The following EXOC2 variants were observed in gnomAD, a reference collection of about 807,000 sequenced individuals.
The protein encoded by EXOC2 is exocyst complex component 2.
A neutral mutation model predicts 131.8 loss-of-function variants in EXOC2; 70 were observed. That is an observed-to-expected ratio of 0.53 (90% CI 0.44 to 0.65). The LOEUF is 0.65. Among genes scored for constraint, EXOC2 ranks in the 30% least tolerant of loss-of-function variants. The pLI, the probability that EXOC2 is intolerant of heterozygous loss-of-function variation, is 0.00. For synonymous variants in EXOC2, 411 were observed against 398.4 expected, an observed-to-expected ratio of 1.03 and a Z score of -0.38; for missense variants, 923 against 1,108.6, an observed-to-expected ratio of 0.83 and a Z score of 2.38.
intron 14 of EXOC2, 68 bp downstream of exon 14, chr6:564,796 G>C (rs1056613213): frequency 3.8e-6 from 6 of 1,583,860 alleles, no homozygotes; most frequent in African/African-American, 1.4e-5. Context: ...TGGATGTCTT[G>C]AATACAAAGT....
chr6:501,934 G>A lies in EXOC2; in HGVS notation c.2381-2234C>T, dbSNP rs528626387. 2.0e-5 allele frequency among the ~76,000 whole-genome samples: 3 copies of A among 151,906 alleles called. No individual in the cohort carries two copies. The East Asian group carries it at 5.8e-4, about 30-fold the overall frequency. Reference sequence around the variant, plus strand: ...TGTTGTAAGTGAAAGTGAAATAAACGAACTCGTCTGGAGACCAGAGAGGCT... The same window carrying A: ...TGTTGTAAGTGAAAGTGAAATAAACAAACTCGTCTGGAGACCAGAGAGGCT... On this transcript the variant is annotated intron_variant, in intron 23 of 27. Coordinates refer to ENST00000230449, the MANE Select transcript of EXOC2 (RefSeq NM_018303.6).
chr6:633,125 T>TA lies in EXOC2; in HGVS notation c.119-9dup, dbSNP rs1157213647. The TA allele has an allele frequency of 6.2e-7, 1 of 1,611,162 alleles. No homozygotes were observed. Among genetic ancestry groups the TA allele is most frequent in the East Asian group, 2.2e-5 (1 of 44,870 alleles). On this transcript the variant is annotated splice_polypyrimidine_tract_variant and intron_variant, in intron 2 of 27. Transcript: ENST00000230449. ...GTCCACAAATGGTCAAGCCTGAAAATAAACGCATGTGCATAACAAAATTCA... is the reference window on the plus strand; with the variant it reads ...GTCCACAAATGGTCAAGCCTGAAAATAAAACGCATGTGCATAACAAAATTCA...
intron 26 of EXOC2, among the ~76,000 whole-genome samples, chr6:489,410 G>A (rs1763291181): frequency 6.6e-6 from 1 of 152,214 alleles, no homozygotes; most frequent in South Asian, 2.1e-4. Context: ...AAGAAATGGG[G>A]ATGACCTTCT....
intron 4 of EXOC2, among the ~76,000 whole-genome samples, chr6:621,043 TCA>T (rs1761263649): frequency 6.6e-6 from 1 of 152,182 alleles, no homozygotes; most frequent in African/African-American, 2.4e-5. Flanking sequence ...TCCAGTGGTC[TCA>T]GTCTTACCGC....
intron 23 of EXOC2, among the ~76,000 whole-genome samples, chr6:501,045 G>A (rs1247241455): frequency 7.3e-6 from 1 of 136,464 alleles, no homozygotes; most frequent in Non-Finnish European, 1.5e-5. Flanking sequence ...GAGACATATA[G>A]ATATACATAT....
intron 12 of EXOC2, among the ~76,000 whole-genome samples, chr6:573,254 C>G (rs1281803455): frequency 1.3e-5 from 2 of 152,212 alleles, no homozygotes; most frequent in African/African-American, 2.4e-5. Flanking sequence ...ATTGCTGTAA[C>G]TGGGAAATAA....
chr6:658,629 AATATATATATATATTTTATATAT>A lies in EXOC2; in HGVS notation c.-43-20791_-43-20769del, dbSNP rs1198442690. On this transcript the variant is annotated intron_variant, in intron 1 of 27. Coordinates refer to ENST00000230449, the MANE Select transcript of EXOC2 (RefSeq NM_018303.6). ...TTCAAGATAATTTCAGGATATTTAA[AATATATATATATATTTTATATAT>A]ATATATATATATATTTTTTTTTTTT... Among the ~76,000 whole-genome samples the A allele has an allele frequency of 4.2e-5, 5 of 119,922 alleles. No homozygotes were observed. In the South Asian group the frequency reaches 8.6e-4, roughly 21 times the overall value. 78.7% of individuals were successfully genotyped at this position (119,922 alleles called of 152,430 possible). A position where few individuals can be genotyped will look rare whatever the true frequency, so the allele number is the denominator to read the frequency against.
At chr6:570,294 T>C (rs57424580) in intron 13 of EXOC2, among the ~76,000 whole-genome samples, 12,541 of 151,894 alleles carry the variant, frequency 0.083, 974 homozygotes, top group East Asian at 0.38. Flanking sequence ...CCACCACGCC[T>C]GGCTAATTTT....
At chr6:509,580 C>T (rs914457806) in intron 23 of EXOC2, among the ~76,000 whole-genome samples, 1 of 151,994 alleles carries the variant, frequency 6.6e-6, no homozygotes, top group Non-Finnish European at 1.5e-5. Flanking sequence ...AATTTTAATA[C>T]GAAAATTGAA....
At position 532,520 on chromosome 6, in the gene EXOC2, G is replaced by C. The variant is rs1376160746; in HGVS notation, c.2329C>G (p.Pro777Ala). 6.2e-7 allele frequency: 1 copy of C among 1,608,036 alleles called. No homozygotes were observed. The highest frequency in any genetic ancestry group is 2.2e-5 in the East Asian group (1 of 44,530). ...KADPIVGSLE[P>A]GIYAGYFDWK... ...TCAAAATATCCTGCATAAATTCCAG[G>C]TTCTAAGGAGCCAACGATGGGATCT... The change falls in exon 23 of 28, where the codon CCT becomes GCT. Residue 777 changes from proline (P) to alanine (A), a missense_variant. Transcript: ENST00000230449.
chr6:596,962 G>A (rs916723789), intron 10 of EXOC2, among the ~76,000 whole-genome samples: 11 of 152,212 alleles, frequency 7.2e-5, no homozygotes, highest in South Asian at 2.1e-4. Context: ...TTTATGTGCC[G>A]GGTGAGGTAT....
intron 25 of EXOC2, among the ~76,000 whole-genome samples, chr6:495,547 A>C (rs574375113): frequency 1.1e-4 from 17 of 152,214 alleles, no homozygotes; most frequent in Non-Finnish European, 2.4e-4. Flanking sequence ...TGCTTAAATA[A>C]CTAGGATCGG....
chr6:672,855 ATAAG>A (rs34577658), intron 1 of EXOC2, among the ~76,000 whole-genome samples: 22,544 of 152,140 alleles, frequency 0.15, 1,878 homozygotes, highest in African/African-American at 0.22. Context: ...CAATATTTAC[ATAAG>A]TAAGTTGCAT....
intron 6 of EXOC2, among the ~76,000 whole-genome samples, chr6:617,064 AT>A (rs1485944382): frequency 6.6e-6 from 1 of 152,230 alleles, no homozygotes; most frequent in Admixed American, 6.5e-5. Flanking sequence ...CTTAAGCTAT[AT>A]GGGTATTTAG....
At chr6:533,875 T>C (rs1032452857) in intron 22 of EXOC2, among the ~76,000 whole-genome samples, 1 of 151,810 alleles carries the variant, frequency 6.6e-6, no homozygotes, top group Non-Finnish European at 1.5e-5. Context: ...CGAACTACAG[T>C]GAAAAATAAA....
At chr6:517,964 CA>C (rs773401275) in intron 23 of EXOC2, among the ~76,000 whole-genome samples, 1 of 152,110 alleles carries the variant, frequency 6.6e-6, no homozygotes, top group African/African-American at 2.4e-5. Flanking sequence ...CACTGAGCAC[CA>C]AAAGTGACTC....
At chr6:684,075 G>A (rs1764534134) in intron 1 of EXOC2, among the ~76,000 whole-genome samples, 1 of 152,268 alleles carries the variant, frequency 6.6e-6, no homozygotes, top group South Asian at 2.1e-4. Flanking sequence ...TCGGCTGAGC[G>A]GGAGACCACA....
chr6:487,854 A>G (rs1763168903), intron 27 of EXOC2, among the ~76,000 whole-genome samples: 1 of 152,204 alleles, frequency 6.6e-6, no homozygotes, highest in South Asian at 2.1e-4. Context: ...CCCACAGCAA[A>G]TCTAAAATAT....
chr6:628,225 A>T (rs1315992162), intron 4 of EXOC2, among the ~76,000 whole-genome samples: 1 of 152,248 alleles, frequency 6.6e-6, no homozygotes, highest in Non-Finnish European at 1.5e-5. Context: ...AGTAAGTGGC[A>T]CAGCCCAAGT....
Sources: gnomAD v4.1 joint callset for allele counts (sites outside exome capture counted in the v4.1 genomes callset) on GRCh38, gnomAD v4.1.1 for gene constraint, MANE v1.5 for transcripts, NCBI Gene and HGNC (gene_info 2026-07-23, HGNC 2026-07-21) for gene names.